The following HNRNPC variants were observed in gnomAD, a reference collection of about 807,000 sequenced individuals.
HNRNPC encodes heterogeneous nuclear ribonucleoproteins C1/C2.
A neutral mutation model predicts 33.2 loss-of-function variants in HNRNPC; 3 were observed. That is an observed-to-expected ratio of 0.09 (90% CI 0.04 to 0.23). HNRNPC has a LOEUF of 0.23. HNRNPC is among the 10% of genes least tolerant of loss of function. The probability of loss-of-function intolerance (pLI) is 1.00; values close to 1 mark genes in which losing one functional copy is unlikely to be tolerated. For synonymous variants in HNRNPC, 121 were observed against 126.7 expected (o/e 0.96, Z 0.30); for missense variants, 143 against 366.7 (o/e 0.39, Z 4.98).
At chr14:21,268,548 A>G (rs2139092864) in intron 1 of HNRNPC, 1 of 152,314 alleles carries the variant, frequency 6.6e-6, no homozygotes, top group African/African-American at 2.4e-5. Flanking sequence ...TAGTGCTGCT[A>G]CTGACTTAAT....
chr14:21,256,054 G>A lies in HNRNPC; in HGVS notation c.-37+7257C>T, dbSNP rs115234296. ...CACAGTATATTAACAGCAAGGGAAG[G>A]GACACAACAAATCACGTGGGATGCC... On this transcript the variant is annotated intron_variant, in intron 2 of 8. Coordinates refer to ENST00000553300, the MANE Select transcript of HNRNPC (RefSeq NM_004500.4). Among the ~76,000 whole-genome samples, 1,161 of 152,194 alleles carry A rather than the reference G, an allele frequency of 7.6e-3. 19 individuals carry two copies. The highest frequency in any genetic ancestry group is 0.027 in the African/African-American group (1,110 of 41,498).
At chr14:21,218,856 A>T (rs2139513552) in intron 5 of HNRNPC, among the ~76,000 whole-genome samples, 1 of 152,126 alleles carries the variant, frequency 6.6e-6, no homozygotes, top group African/African-American at 2.4e-5. Flanking sequence ...TCATGCCTGT[A>T]ATCCCAGCAC....
rs556657235 is a variant in HNRNPC, at chr14:21,218,531, C to CA, written c.366-5415dup. On this transcript the variant is annotated intron_variant, in intron 5 of 8. Coordinates refer to ENST00000553300, the MANE Select transcript of HNRNPC (RefSeq NM_004500.4). ...GTGAAACCCGGTTTCTACTAAAATA[C>CA]AAAAAAATCAGCAGGGTGTGGTGGC... 2.6e-3 allele frequency among the ~76,000 whole-genome samples: 396 copies of CA among 150,688 alleles called. 9 individuals are homozygous for CA. Among genetic ancestry groups the CA allele is most frequent in the Non-Finnish European group, 6.9e-4 (47 of 67,648 alleles).
chr14:21,227,916 A>C (rs1893662574), intron 5 of HNRNPC, among the ~76,000 whole-genome samples: 1 of 152,262 alleles, frequency 6.6e-6, no homozygotes, highest in Admixed American at 6.5e-5. Flanking sequence ...GAGCCATGAC[A>C]AAGAAATAGG....
chr14:21,226,696 G>GGTTT (rs1893479261), intron 5 of HNRNPC, among the ~76,000 whole-genome samples: 1 of 151,896 alleles, frequency 6.6e-6, no homozygotes, highest in African/African-American at 2.4e-5. Flanking sequence ...CCTGGCCAAC[G>GGTTT]TGGACAAACA....
At chr14:21,218,200 G>A (rs1892409133) in intron 5 of HNRNPC, among the ~76,000 whole-genome samples, 1 of 152,138 alleles carries the variant, frequency 6.6e-6, no homozygotes, top group Admixed American at 6.5e-5. Context: ...TGGACCTCAA[G>A]TGATCCACCA....
intron 5 of HNRNPC, among the ~76,000 whole-genome samples, chr14:21,221,880 T>C (rs577287975): frequency 1.3e-5 from 2 of 151,888 alleles, no homozygotes; most frequent in Non-Finnish European, 2.9e-5. Context: ...ACCACGTCTC[T>C]ACTAAAAAAT....
chr14:21,237,905 G>A (rs1894896096), intron 2 of HNRNPC, among the ~76,000 whole-genome samples: 4 of 152,142 alleles, frequency 2.6e-5, no homozygotes, highest in Non-Finnish European at 5.9e-5. Context: ...CCCAGTAGCT[G>A]GGATTACAGG....
chr14:21,250,107 G>T (rs1896466507), intron 2 of HNRNPC, among the ~76,000 whole-genome samples: 7 of 152,004 alleles, frequency 4.6e-5, no homozygotes, highest in Admixed American at 4.6e-4. Context: ...ACAAAAATTA[G>T]CTGGAGGTGG....
intron 2 of HNRNPC, among the ~76,000 whole-genome samples, chr14:21,253,039 T>G (rs1253663466): frequency 6.7e-6 from 1 of 149,226 alleles, no homozygotes; most frequent in Non-Finnish European, 1.5e-5. Flanking sequence ...CCGGGCGTGG[T>G]GGAGCGTAAC....
At chr14:21,263,545 T>C (rs754177155) in intron 1 of HNRNPC, 2 of 152,030 alleles carry the variant, frequency 1.3e-5, no homozygotes, top group Non-Finnish European at 2.9e-5. Flanking sequence ...GGTCAGTTTA[T>C]GAGAGGCTAA....
intron 2 of HNRNPC, among the ~76,000 whole-genome samples, chr14:21,244,080 T>C (rs1320696811): frequency 2.0e-5 from 3 of 151,978 alleles, no homozygotes; most frequent in Admixed American, 6.6e-5. Flanking sequence ...CCAGGCTGGA[T>C]TGCAGTGTTG....
intron 2 of HNRNPC, among the ~76,000 whole-genome samples, chr14:21,258,918 T>C (rs1358093335): frequency 1.3e-5 from 2 of 152,102 alleles, no homozygotes; most frequent in African/African-American, 4.8e-5. Context: ...TCTCCAAACT[T>C]ACTGCCCTAC....
intron 2 of HNRNPC, among the ~76,000 whole-genome samples, chr14:21,246,319 G>T (rs1895974265): frequency 6.6e-6 from 1 of 152,074 alleles, no homozygotes; most frequent in Admixed American, 6.6e-5. Flanking sequence ...CAGCACTTTG[G>T]AAGGCCGAGG....
chr14:21,267,159 C>A (rs1260724628), intron 1 of HNRNPC, among the ~76,000 whole-genome samples: 3 of 138,806 alleles, frequency 2.2e-5, no homozygotes, highest in Non-Finnish European at 3.1e-5. Flanking sequence ...TCAATCTGTA[C>A]AGTTTTTAGG....
At position 21,213,123 on chromosome 14, in the gene HNRNPC, G is replaced by A. The variant is rs757535209; in HGVS notation, c.366-6C>T. 1.2e-6 allele frequency: 2 copies of A among 1,612,272 alleles called. No individual in the cohort carries two copies. Among genetic ancestry groups the A allele is most frequent in the Non-Finnish European group, 1.7e-6 (2 of 1,178,720 alleles). ...GTGCTGGGTAACTGTACATCCTATT[G>A]GATAAGAGGAAAATGGAATTCATTC... On this transcript the variant is annotated splice_region_variant and splice_polypyrimidine_tract_variant and intron_variant, in intron 5 of 8. Coordinates refer to ENST00000553300, the MANE Select transcript of HNRNPC (RefSeq NM_004500.4).
At chr14:21,247,093 C>G (rs1385070017) in intron 2 of HNRNPC, among the ~76,000 whole-genome samples, 1 of 152,168 alleles carries the variant, frequency 6.6e-6, no homozygotes, top group Non-Finnish European at 1.5e-5. Flanking sequence ...GTGCTGGCAG[C>G]TGGTGCCTTA....
At chr14:21,224,696 G>A (rs1164232126) in intron 5 of HNRNPC, among the ~76,000 whole-genome samples, 1 of 152,004 alleles carries the variant, frequency 6.6e-6, no homozygotes, top group Non-Finnish European at 1.5e-5. Flanking sequence ...CACAATCCCA[G>A]AACATGTAAT....
At chr14:21,232,812 G>A (rs1894260258) in intron 3 of HNRNPC, among the ~76,000 whole-genome samples, 1 of 152,208 alleles carries the variant, frequency 6.6e-6, no homozygotes, top group Non-Finnish European at 1.5e-5. Flanking sequence ...AAAGCGGGAG[G>A]ATCACCTGAG....
Sources: allele counts gnomAD v4.1 joint callset (sites outside exome capture counted in the v4.1 genomes callset), GRCh38; gene constraint gnomAD v4.1.1; transcripts MANE v1.5; gene names NCBI Gene and HGNC (gene_info 2026-07-23, HGNC 2026-07-21).